GAB2: variants seen among roughly 807,000 people sequenced by gnomAD.
GAB2 encodes the protein GRB2-associated-binding protein 2.
GAB2 carries 26 observed loss-of-function variants against 65.5 expected under a neutral mutation model. The ratio of observed to expected loss-of-function variants is 0.40; its 90% confidence interval spans 0.29 to 0.55. The LOEUF is 0.55. GAB2 is among the 20% of genes least tolerant of loss of function. The pLI is 0.53. For missense variants in GAB2, 884 were observed against 875.8 expected (o/e 1.01, Z -0.12); for synonymous variants, 321 against 329.6 (o/e 0.97, Z 0.28).
chr11:78,388,986 A>G (rs1856801289), intron 1 of GAB2, among the ~76,000 whole-genome samples: 1 of 152,216 alleles, frequency 6.6e-6, no homozygotes, highest in Non-Finnish European at 1.5e-5. Flanking sequence ...ATCTACCTGA[A>G]AAGTCTAAGG....
At chr11:78,351,237 A>C (rs373849038) in intron 1 of GAB2, among the ~76,000 whole-genome samples, 176 of 150,756 alleles carry the variant, frequency 1.2e-3, no homozygotes, top group African/African-American at 4.0e-3. Context: ...GGCCTTCGGC[A>C]TCATTTACCC....
chr11:78,310,824 G>A (rs774029101), intron 1 of GAB2, among the ~76,000 whole-genome samples: 2 of 152,016 alleles, frequency 1.3e-5, no homozygotes, highest in East Asian at 1.9e-4. Flanking sequence ...CCTGAGCCTC[G>A]TATCACCCAT....
At chr11:78,396,899 G>A (rs1373929000) in intron 1 of GAB2, among the ~76,000 whole-genome samples, 1 of 151,994 alleles carries the variant, frequency 6.6e-6, no homozygotes, top group African/African-American at 2.4e-5. Flanking sequence ...ACCCGGCCAG[G>A]GAAATATTTT....
chr11:78,329,630 A>T (rs1855882033), intron 1 of GAB2, among the ~76,000 whole-genome samples: 1 of 152,190 alleles, frequency 6.6e-6, no homozygotes, highest in African/African-American at 2.4e-5. Flanking sequence ...TGCTAGGGCA[A>T]CCAGACCATT....
At chr11:78,275,081 G>A (rs1258935235) in intron 2 of GAB2, among the ~76,000 whole-genome samples, 1 of 152,154 alleles carries the variant, frequency 6.6e-6, no homozygotes, top group African/African-American at 2.4e-5. Flanking sequence ...TGGCCACCAA[G>A]GGTTAGGTAC....
intron 1 of GAB2, among the ~76,000 whole-genome samples, chr11:78,362,490 TA>T (rs930314260): frequency 1.3e-5 from 2 of 151,500 alleles, no homozygotes; most frequent in African/African-American, 2.4e-5. Context: ...AAGGTAAGAT[TA>T]AAAAAAACAA....
intron 3 of GAB2, among the ~76,000 whole-genome samples, chr11:78,243,716 T>A (rs1364486086): frequency 6.8e-6 from 1 of 146,820 alleles, no homozygotes; most frequent in Admixed American, 6.8e-5. Context: ...CAGTGGCACG[T>A]GCCTGTAGTC....
intron 2 of GAB2, among the ~76,000 whole-genome samples, chr11:78,263,575 G>C (rs890299479): frequency 2.5e-4 from 37 of 150,964 alleles, no homozygotes; most frequent in Non-Finnish European, 4.7e-4. Flanking sequence ...AGAGGTTGCA[G>C]TGAGCCGAGA....
chr11:78,288,096 G>A (rs979969569), intron 1 of GAB2, among the ~76,000 whole-genome samples: 1 of 151,750 alleles, frequency 6.6e-6, no homozygotes, highest in Non-Finnish European at 1.5e-5. Flanking sequence ...TAGAAAAATC[G>A]TGGCTGGGCA....
intron 1 of GAB2, among the ~76,000 whole-genome samples, chr11:78,354,605 C>CTT (rs1178516750): frequency 1.3e-5 from 2 of 152,106 alleles, no homozygotes; most frequent in African/African-American, 4.8e-5. Context: ...AAGACCTGGT[C>CTT]TGGACAGCAA....
intron 1 of GAB2, among the ~76,000 whole-genome samples, chr11:78,296,213 A>C (rs1866819984): frequency 1.3e-5 from 2 of 152,188 alleles, no homozygotes; most frequent in South Asian, 4.1e-4. Flanking sequence ...CCAGTTCCTA[A>C]CAGGCCAGAC....
chr11:78,217,208 C>T lies in GAB2; in HGVS notation c.*2064G>A, dbSNP rs2629609. 1 of 152,404 alleles carries T rather than the reference C, an allele frequency of 6.6e-6. No individual in the cohort carries two copies. The highest frequency in any genetic ancestry group is 1.5e-5 in the Non-Finnish European group (1 of 68,096). 9.4% of individuals were successfully genotyped at this position (152,404 alleles called of 1,614,324 possible). A position where few individuals can be genotyped will look rare whatever the true frequency, so the allele number is the denominator to read the frequency against. ...TGCCCTCCATCAGCATTTGAAGTCT[C>T]TGTCTGATGGCCATCACCACTGTCT... is the stretch of plus-strand genomic sequence containing the variant. On this transcript the variant is annotated 3_prime_UTR_variant, in exon 10 of 10. Coordinates refer to ENST00000361507, the MANE Select transcript of GAB2 (RefSeq NM_080491.3).
At chr11:78,417,522 C>A (rs1857214654) in intron 1 of GAB2, 124 bp downstream of exon 1, 2 of 344,414 alleles carry the variant, frequency 5.8e-6, no homozygotes, top group Non-Finnish European at 8.8e-6. Context: ...CCGCTCCTCG[C>A]CCCCGGCCCC....
At chr11:78,242,152 A>G (rs578126072) in intron 3 of GAB2, among the ~76,000 whole-genome samples, 1 of 152,360 alleles carries the variant, frequency 6.6e-6, no homozygotes, top group Admixed American at 6.5e-5. Flanking sequence ...GTACAAATAC[A>G]TGGAAAATTA....
At position 78,248,676 on chromosome 11, in the gene GAB2, C is replaced by T. The variant is rs137904781; in HGVS notation, c.620+1481G>A. ...TTTATGTATGTTTTATCATTTTACA[C>T]TCATTAGTAAGCCTTTGAATTAGTT... On this transcript the variant is annotated intron_variant, in intron 3 of 9. Coordinates refer to ENST00000361507, the MANE Select transcript of GAB2 (RefSeq NM_080491.3). Among the ~76,000 whole-genome samples, 10 of 152,236 alleles carry T rather than the reference C, an allele frequency of 6.6e-5. No homozygotes were observed. In the East Asian group the frequency reaches 1.4e-3, roughly 21 times the overall value.
At chr11:78,250,478 A>G (rs1865423931) in intron 2 of GAB2, 78 bp from the exon 3 acceptor site, 1 of 1,293,854 alleles carries the variant, frequency 7.7e-7, no homozygotes, top group South Asian at 1.2e-5. Flanking sequence ...TCAGAGGAAG[A>G]AAAAAGAGTA....
chr11:78,329,551 A>G (rs1855880634), intron 1 of GAB2, among the ~76,000 whole-genome samples: 2 of 152,324 alleles, frequency 1.3e-5, no homozygotes, highest in African/African-American at 2.4e-5. Context: ...ACTGACACAT[A>G]TAGTAGGCAC....
At chr11:78,343,694 T>C (rs1204298884) in intron 1 of GAB2, among the ~76,000 whole-genome samples, 2 of 152,154 alleles carry the variant, frequency 1.3e-5, no homozygotes, top group Admixed American at 6.5e-5. Flanking sequence ...GTGAGGCACA[T>C]ATGTGATTTT....
rs10530509 is a variant in GAB2, at chr11:78,265,203, C to CATATATATATATATATATAT, written c.377-14823_377-14804dup. ...TGTAATAAACGGGCCTTCTATACCA[C>CATATATATATATATATATAT]ATATATATATATATATATATAAAAG... On this transcript the variant is annotated intron_variant, in intron 2 of 9. Transcript: ENST00000361507. Among the ~76,000 whole-genome samples, 215 of 144,878 alleles carry CATATATATATATATATATAT rather than the reference C, an allele frequency of 1.5e-3. 1 individual carries two copies. The highest frequency in any genetic ancestry group is 0.013 in the East Asian group (67 of 4,986).
Sources: gnomAD v4.1 joint callset for allele counts (sites outside exome capture counted in the v4.1 genomes callset) on GRCh38, gnomAD v4.1.1 for gene constraint, MANE v1.5 for transcripts, NCBI Gene and HGNC (gene_info 2026-07-23, HGNC 2026-07-21) for gene names.